UBR3: variants seen among roughly 807,000 people sequenced by gnomAD.
UBR3 encodes the protein E3 ubiquitin-protein ligase UBR3.
In UBR3, 85 loss-of-function variants were observed where a neutral mutation model predicts 243.2. That is an observed-to-expected ratio of 0.35 (90% CI 0.29 to 0.42). The LOEUF (loss-of-function observed/expected upper bound fraction) is 0.42. Among genes scored for constraint, UBR3 ranks in the 10% least tolerant of loss-of-function variants. The pLI is 1.00. For missense variants in UBR3, 1,686 were observed against 2,300.8 expected (o/e 0.73, Z 5.47); for synonymous variants, 748 against 799.8 (o/e 0.94, Z 1.09).
chr2:169,858,343 AT>A lies in UBR3; in HGVS notation c.546-13892del, dbSNP rs146283612. On this transcript the variant is annotated intron_variant, in intron 1 of 38. Coordinates refer to ENST00000272793, the MANE Select transcript of UBR3 (RefSeq NM_172070.4). The stretch of plus-strand genomic sequence containing the variant: ...TTAATATTTCTTGTCACCGGGTATG[AT>A]AGCAATGAAATGTCCCAGCTTTTGT... 2.9e-3 allele frequency among the ~76,000 whole-genome samples: 437 copies of A among 152,290 alleles called. 1 individual carries two copies. The highest frequency in any genetic ancestry group is 1.0e-2 in the African/African-American group (414 of 41,556).
At chr2:169,863,402 TCAAA>T (rs1026366049) in intron 1 of UBR3, among the ~76,000 whole-genome samples, 9 of 152,356 alleles carry the variant, frequency 5.9e-5, no homozygotes, top group African/African-American at 2.2e-4. Flanking sequence ...AATGATGATG[TCAAA>T]CAAAATTTAG....
In UBR3 at chr2:170,000,126, C is replaced by CAA. The variant is rs201415377; in HGVS notation, c.3919-1168_3919-1167dup. Among the ~76,000 whole-genome samples, 31 of 123,746 alleles carry CAA rather than the reference C, an allele frequency of 2.5e-4. 2 individuals are homozygous for CAA. Among genetic ancestry groups the CAA allele is most frequent in the East Asian group, 4.4e-4 (2 of 4,554 alleles). The allele number at this position is 123,746 out of a possible 152,430, so 81.2% of individuals were successfully genotyped here. On this transcript the variant is annotated intron_variant, in intron 26 of 38. Coordinates refer to ENST00000272793, the MANE Select transcript of UBR3 (RefSeq NM_172070.4). ...GGGCAACAAGAGTGAAACTTAATCT[C>CAA]AAAAAAAAAAACCTCAAAAAACAAA...
chr2:169,836,039 CTCTCTATA>C (rs1298126942), intron 1 of UBR3, among the ~76,000 whole-genome samples: 31 of 9,950 alleles, frequency 3.1e-3, no homozygotes, highest in Admixed American at 4.5e-3. Flanking sequence ...CTCTCTCTCT[CTCTCTATA>C]TATATATATA....
chr2:169,928,102 A>G (rs1241564889), intron 17 of UBR3, among the ~76,000 whole-genome samples: 3 of 152,188 alleles, frequency 2.0e-5, no homozygotes, highest in East Asian at 3.8e-4. Flanking sequence ...CTGTTTGACA[A>G]CCTTGATTTT....
chr2:170,018,301 CCTT>C (rs2090301399), intron 30 of UBR3, among the ~76,000 whole-genome samples: 2 of 152,120 alleles, frequency 1.3e-5, no homozygotes, highest in South Asian at 2.1e-4. Context: ...AGTACTGAGT[CCTT>C]CTGCCCTGGA....
At chr2:170,021,425 A>G (rs986857226) in intron 30 of UBR3, among the ~76,000 whole-genome samples, 1 of 152,116 alleles carries the variant, frequency 6.6e-6, no homozygotes, top group Non-Finnish European at 1.5e-5. Context: ...TTCCTCATAC[A>G]TAGCTGTCTT....
intron 32 of UBR3, among the ~76,000 whole-genome samples, chr2:170,048,823 A>T (rs968955509): frequency 6.6e-6 from 1 of 152,210 alleles, no homozygotes; most frequent in Non-Finnish European, 1.5e-5. Flanking sequence ...CTATCCATGA[A>T]ATTATGAAGA....
At chr2:169,897,874 T>C (rs1371700877) in intron 8 of UBR3, among the ~76,000 whole-genome samples, 2 of 152,202 alleles carry the variant, frequency 1.3e-5, no homozygotes, top group African/African-American at 4.8e-5. Flanking sequence ...TTGTTTCAAT[T>C]AAGCTTCTGA....
chr2:170,000,234 C>G (rs1214323064), intron 26 of UBR3, among the ~76,000 whole-genome samples: 1 of 151,798 alleles, frequency 6.6e-6, no homozygotes, highest in African/African-American at 2.4e-5. Flanking sequence ...TATATTAAGA[C>G]CTTGTAAATA....
At chr2:169,993,659 G>A (rs1472380826) in intron 25 of UBR3, among the ~76,000 whole-genome samples, 3 of 152,098 alleles carry the variant, frequency 2.0e-5, no homozygotes, top group African/African-American at 4.8e-5. Context: ...TCCTATTGTG[G>A]GTGGTGCCAA....
At position 169,896,595 on chromosome 2, in the gene UBR3, G is replaced by A; in HGVS notation, c.1325G>A (p.Arg442Lys). ...KSHESDTMSN[R>K]IVHISVQLFS... ...CATGAATCAGACACAATGTCTAACA[G>A]AATTGTGCATATTAGTGTTCAGTTG... The change falls in exon 8 of 39, where the codon AGA (arginine) becomes AAA (lysine). Residue 442 changes from arginine (R) to lysine (K), a missense_variant. Coordinates refer to ENST00000272793, the MANE Select transcript of UBR3 (RefSeq NM_172070.4). 1 of 1,550,886 alleles carries A rather than the reference G, an allele frequency of 6.4e-7. No homozygotes were observed. The highest frequency in any genetic ancestry group is 8.7e-7 in the Non-Finnish European group (1 of 1,146,522).
At position 169,933,002 on chromosome 2, in the gene UBR3, C is replaced by T; in HGVS notation, c.2657C>T (p.Thr886Ile). ...RDVQSAMDRY[T>I]AFLKQSGKFP... ...GTGCAGTCTGCAATGGACAGATATA[C>T]TGCATTGTAAGTCCATCAAATTGAT... The change falls in exon 19 of 39, where the codon ACT (threonine) becomes ATT (isoleucine). Residue 886 changes from threonine to isoleucine, a missense_variant. Thr to Ile is a moderately conservative substitution (Grantham distance 89). Transcript: ENST00000272793. 2 of 1,516,374 alleles carry T rather than the reference C, an allele frequency of 1.3e-6. No individual in the cohort carries two copies. The highest frequency in any genetic ancestry group is 1.8e-6 in the Non-Finnish European group (2 of 1,136,670). The allele number at this position is 1,516,374 out of a possible 1,614,324, so 93.9% of individuals were successfully genotyped here.
chr2:170,076,548 T>G (rs556145149), intron 36 of UBR3, among the ~76,000 whole-genome samples: 1 of 152,280 alleles, frequency 6.6e-6, no homozygotes, highest in East Asian at 1.9e-4. Context: ...GCCTGGAAAA[T>G]TTTAATTAGT....
intron 33 of UBR3, among the ~76,000 whole-genome samples, chr2:170,057,797 T>C (rs2091368282): frequency 2.0e-5 from 3 of 152,110 alleles, no homozygotes; most frequent in Admixed American, 2.0e-4. Context: ...CATATAAATA[T>C]ATATTAGTGT....
chr2:170,073,240 G>A (rs2091737533), intron 35 of UBR3, among the ~76,000 whole-genome samples, 188 bp from the exon 36 acceptor site: 1 of 152,112 alleles, frequency 6.6e-6, no homozygotes, highest in Non-Finnish European at 1.5e-5. Context: ...GTATTTTGGG[G>A]ATATTTAGAT....
At chr2:169,878,097 T>A (rs1034518991) in intron 4 of UBR3, among the ~76,000 whole-genome samples, 1 of 152,190 alleles carries the variant, frequency 6.6e-6, no homozygotes, top group South Asian at 2.1e-4. Context: ...CGGAGGCTTA[T>A]GCCTATAAAT....
chr2:170,064,889 C>T (rs976006458), intron 35 of UBR3, among the ~76,000 whole-genome samples: 3 of 146,360 alleles, frequency 2.0e-5, no homozygotes, highest in Non-Finnish European at 4.4e-5. Context: ...GTCGCCCAGG[C>T]TGGAGTGCAG....
chr2:170,008,584 A>T (rs1035511367), intron 28 of UBR3, among the ~76,000 whole-genome samples: 1 of 152,142 alleles, frequency 6.6e-6, no homozygotes, highest in Admixed American at 6.5e-5. Context: ...TTACAGTGTT[A>T]CCAGTCACAA....
intron 27 of UBR3, among the ~76,000 whole-genome samples, chr2:170,003,240 T>A (rs1372523494): frequency 6.6e-6 from 1 of 152,230 alleles, no homozygotes; most frequent in African/African-American, 2.4e-5. Context: ...ATTTACTACA[T>A]TGAGCTTTCT....
Sources: allele counts gnomAD v4.1 joint callset (sites outside exome capture counted in the v4.1 genomes callset), GRCh38; gene constraint gnomAD v4.1.1; transcripts MANE v1.5; gene names NCBI Gene and HGNC (gene_info 2026-07-23, HGNC 2026-07-21).